The following EPG5 variants were observed in gnomAD, a reference collection of about 807,000 sequenced individuals.
The protein encoded by EPG5 is ectopic P granules protein 5 homolog.
EPG5 carries 159 observed loss-of-function variants against 302.7 expected under a neutral mutation model. The observed-to-expected ratio is 0.53, with a 90% CI of 0.46 to 0.60. The LOEUF is 0.60. Ranked by LOEUF, EPG5 falls within the 20% of genes least tolerant of loss-of-function variation. EPG5 has a pLI of 0.00. For missense variants in EPG5, 2,896 were observed against 3,092.4 expected, an observed-to-expected ratio of 0.94 and a Z score of 1.51; for synonymous variants, 1,158 against 1,136.8, an observed-to-expected ratio of 1.02 and a Z score of -0.37.
At chr18:45,965,476 C>T (rs564640672) in intron 1 of EPG5, among the ~76,000 whole-genome samples, 63 of 152,298 alleles carry the variant, frequency 4.1e-4, no homozygotes, top group Admixed American at 1.3e-3. Flanking sequence ...AAAAAAAGAG[C>T]ATCATAATGA....
chr18:45,831,098 C>T, the EPG5 span, among the ~76,000 whole-genome samples: 1 of 152,106 alleles, frequency 6.6e-6, no homozygotes, highest in Non-Finnish European at 1.5e-5. Flanking sequence ...AGGGCTGGAG[C>T]CCCGGACAGA....
chr18:45,936,720 C>CAAAA (rs762675563), intron 10 of EPG5, among the ~76,000 whole-genome samples: 1 of 53,862 alleles, frequency 1.9e-5, no homozygotes, highest in African/African-American at 7.3e-5. Context: ...GACTCCATTT[C>CAAAA]AAAAAAAAAA....
At chr18:45,960,622 A>G (rs531557268) in intron 1 of EPG5, among the ~76,000 whole-genome samples, 2 of 152,324 alleles carry the variant, frequency 1.3e-5, no homozygotes, top group African/African-American at 4.8e-5. Context: ...TTAACTATAC[A>G]TTACAGTAAA....
At chr18:45,838,392 C>A in the EPG5 span, 2 of 451,588 alleles carry the variant, frequency 4.4e-6, no homozygotes, top group Non-Finnish European at 3.9e-6. Context: ...CTCTAGCCCC[C>A]ACCCTGCTCT....
At chr18:45,834,746 A>G in the EPG5 span, among the ~76,000 whole-genome samples, 1 of 152,228 alleles carries the variant, frequency 6.6e-6, no homozygotes, top group South Asian at 2.1e-4. Flanking sequence ...AGTGTCCAAT[A>G]CATGTTTGCT....
intron 33 of EPG5, 138 bp from the exon 34 acceptor site, chr18:45,878,586 G>T: frequency 1.6e-6 from 1 of 609,694 alleles, no homozygotes; most frequent in South Asian, 2.1e-5. Context: ...CATGCTTAGT[G>T]TAACTATGTA....
chr18:45,842,243 C>A, the EPG5 span: 1 of 1,591,640 alleles, frequency 6.3e-7, no homozygotes, highest in Non-Finnish European at 8.6e-7. Context: ...AAGGCCAGTG[C>A]GAGGCTTGGC....
chr18:45,910,586 C>A lies in EPG5; in HGVS notation c.4140G>T (p.Leu1380=). 7 of 1,613,974 alleles carry A rather than the reference C, an allele frequency of 4.3e-6. No homozygotes were observed. The highest frequency in any genetic ancestry group is 5.9e-6 in the Non-Finnish European group (7 of 1,180,002). The change falls in exon 23 of 44, where the codon CTG becomes CTT. Residue 1380 remains leucine, a synonymous_variant. Coordinates refer to ENST00000282041, the MANE Select transcript of EPG5 (RefSeq NM_020964.3). The part of the protein sequence containing the change: ...LRVPAEGSEG[L]PESHSGTPGY... ...CAGGGGTGCCAGAGTGGCTCTCTGG[C>A]AGCCCTTCACTGCCCTCTGCTGGAA... is the stretch of plus-strand genomic sequence containing the variant.
chr18:45,858,831 C>G (rs772414850), intron 40 of EPG5, 49 bp from the exon 41 acceptor site: 1 of 1,349,496 alleles, frequency 7.4e-7, no homozygotes, highest in Non-Finnish European at 1.1e-6. Context: ...AATCCAATTA[C>G]TTGACAACTC....
intron 14 of EPG5, among the ~76,000 whole-genome samples, chr18:45,925,056 C>T (rs1214660112): frequency 6.6e-6 from 1 of 152,142 alleles, no homozygotes; most frequent in South Asian, 2.1e-4. Context: ...AGACTCTTAA[C>T]CAATGCATAG....
At chr18:45,840,203 TCCCA>T in the EPG5 span, 3 of 1,612,876 alleles carry the variant, frequency 1.9e-6, no homozygotes, top group African/African-American at 4.0e-5. Context: ...TTGCTGTCCC[TCCCA>T]CAGAGCATCT....
intron 17 of EPG5, among the ~76,000 whole-genome samples, chr18:45,917,037 G>A (rs1472179542): frequency 1.3e-5 from 2 of 152,204 alleles, no homozygotes; most frequent in Admixed American, 1.3e-4. Context: ...AGAAACCTGG[G>A]AATCCATATT....
At chr18:45,894,841 T>C (rs1325653453) in intron 27 of EPG5, among the ~76,000 whole-genome samples, 1 of 152,158 alleles carries the variant, frequency 6.6e-6, no homozygotes, top group Non-Finnish European at 1.5e-5. Context: ...CAATAACAGA[T>C]TATGAAGGGC....
At chr18:45,912,181 C>G in intron 22 of EPG5, 109 bp downstream of exon 22, 1 of 1,028,922 alleles carries the variant, frequency 9.7e-7, no homozygotes, top group Non-Finnish European at 1.4e-6. Context: ...CACCAGAGAT[C>G]ACCAAAGAAT....
At chr18:45,874,529 T>C (rs2048931700) in intron 35 of EPG5, among the ~76,000 whole-genome samples, 1 of 152,014 alleles carries the variant, frequency 6.6e-6, no homozygotes, top group Non-Finnish European at 1.5e-5. Flanking sequence ...TGGTGGAAGA[T>C]GAAAGGCATG....
the EPG5 span, among the ~76,000 whole-genome samples, chr18:45,820,369 C>T: frequency 6.6e-6 from 1 of 152,198 alleles, no homozygotes. Flanking sequence ...CTCTGGCAGC[C>T]TCTAGGCAGA....
chr18:45,813,892 A>ACC, the EPG5 span, among the ~76,000 whole-genome samples: 7 of 152,136 alleles, frequency 4.6e-5, no homozygotes, highest in African/African-American at 1.4e-4. Flanking sequence ...GTGCTGATGT[A>ACC]CCCTAGAACT....
At chr18:45,854,442 G>A (rs2048473220) in intron 43 of EPG5, among the ~76,000 whole-genome samples, 2 of 152,234 alleles carry the variant, frequency 1.3e-5, no homozygotes, top group African/African-American at 2.4e-5. Context: ...GGGAATGGGA[G>A]AGGCCTGGAG....
chr18:45,962,048 T>C (rs1365608478), intron 1 of EPG5, among the ~76,000 whole-genome samples: 1 of 150,024 alleles, frequency 6.7e-6, no homozygotes, highest in African/African-American at 2.5e-5. Context: ...TAAGCTCCAC[T>C]AAGGCCAGGT....
Sources: allele counts gnomAD v4.1 joint callset (sites outside exome capture counted in the v4.1 genomes callset), GRCh38; gene constraint gnomAD v4.1.1; transcripts MANE v1.5; gene names NCBI Gene and HGNC (gene_info 2026-07-23, HGNC 2026-07-21).